FAM83E: variants seen among roughly 807,000 people sequenced by gnomAD.
The protein encoded by FAM83E is scaffolding CK1 anchoring protein E.
FAM83E carries 29 observed loss-of-function variants against 34.3 expected under a neutral mutation model. That is an observed-to-expected ratio of 0.85 (90% CI 0.63 to 1.15). The LOEUF (loss-of-function observed/expected upper bound fraction) is 1.15. FAM83E is among the 50% of genes most tolerant of loss of function. The pLI, the probability that FAM83E is intolerant of heterozygous loss-of-function variation, is 0.00. For missense variants in FAM83E, 697 were observed against 685.0 expected, an observed-to-expected ratio of 1.02 and a Z score of -0.20; for synonymous variants, 312 against 311.6, an observed-to-expected ratio of 1.00 and a Z score of -0.01.
rs1431416895 is a variant in FAM83E at position 48,603,559 on chromosome 19, T to C, written c.1111A>G (p.Ser371Gly). 2 of 1,562,996 alleles carry C rather than the reference T, an allele frequency of 1.3e-6. No individual in the cohort carries two copies. The highest frequency in any genetic ancestry group is 1.7e-6 in the Non-Finnish European group (2 of 1,162,930). The change falls in exon 6 of 7, where the codon AGC becomes GGC. Residue 371 changes from serine to glycine, a missense_variant. Physicochemically the swap from Ser to Gly is moderately conservative, Grantham distance 56. Coordinates refer to ENST00000263266, the MANE Select transcript of FAM83E (RefSeq NM_017708.4). ...CGGCTTAGGTCCCACATGGAGCGGC[T>C]GGGCCGGGCCGGGGGGCCGCTGGGG... ...RTPSGPPARP[S>G]RSMWDLSRLS...
chr19:48,600,984 C>A lies in FAM83E; in HGVS notation c.*125G>T, dbSNP rs1973799902. The A allele has an allele frequency of 6.8e-7, 1 of 1,476,004 alleles. No individual in the cohort carries two copies. The highest frequency in any genetic ancestry group is 2.4e-5 in the Admixed American group (1 of 41,486). The allele number at this position is 1,476,004 out of a possible 1,614,324, so 91.4% of individuals were successfully genotyped here. The stretch of plus-strand genomic sequence containing the variant: ...GCAGAACAAGTGACAAACATCCCTT[C>A]TGCTTGACAGACGCCGAGGCCAGAA... On this transcript the variant is annotated 3_prime_UTR_variant, in exon 7 of 7. Transcript: ENST00000263266.
chr19:48,613,659 T>C lies in FAM83E; in HGVS notation c.-287A>G, dbSNP rs1029909613. 9.3e-6 allele frequency: 12 copies of C among 1,290,620 alleles called. No individual in the cohort carries two copies. The highest frequency in any genetic ancestry group is 2.9e-4 in the Middle Eastern group (1 of 3,398). 79.9% of individuals were successfully genotyped at this position (1,290,620 alleles called of 1,614,324 possible). A position where few individuals can be genotyped will look rare whatever the true frequency, so the allele number is the denominator to read the frequency against. On this transcript the variant is annotated 5_prime_UTR_variant, in exon 3 of 7. Coordinates refer to ENST00000263266, the MANE Select transcript of FAM83E (RefSeq NM_017708.4). ...GGCACCATGCCTGGCTGGCCTTCCG[T>C]GACCTTCCTGCCAGCCGTCTCTGCT...
At position 48,613,444 on chromosome 19, in the gene FAM83E, G is replaced by A. The variant is rs1238219229; in HGVS notation, c.-72C>T. On this transcript the variant is annotated 5_prime_UTR_variant, in exon 3 of 7. Coordinates refer to ENST00000263266, the MANE Select transcript of FAM83E (RefSeq NM_017708.4). ...GGGGGTCTGGCTGTCTCTGGGGACT[G>A]TGATCATCTGGGGGTTCTCCTGATA... 1.3e-5 allele frequency: 19 copies of A among 1,446,248 alleles called. No homozygotes were observed. The East Asian group carries it at 4.5e-4, about 34-fold the overall frequency. The allele number at this position is 1,446,248 out of a possible 1,614,324, so 89.6% of individuals were successfully genotyped here.
chr19:48,610,149 A>G, intron 4 of FAM83E, 149 bp from the exon 5 acceptor site: 2 of 1,107,790 alleles, frequency 1.8e-6, no homozygotes. Flanking sequence ...TTGTAATCCC[A>G]GCACTTTGGG....
In FAM83E at chr19:48,609,982, CGACACG is replaced by C. The variant is rs752961036; in HGVS notation, c.646_651del (p.Arg216_Val217del). 1.9e-6 allele frequency: 3 copies of C among 1,612,482 alleles called. No individual in the cohort carries two copies. The highest frequency in any genetic ancestry group is 2.5e-6 in the Non-Finnish European group (3 of 1,180,002). On this transcript the variant is annotated inframe_deletion, in exon 5 of 7. Transcript: ENST00000263266. ...CGGCTCTGGAAGCTGCAGCCCCGCA[CGACACG>C]GACATCCACGTTCTGTTGGTGTGGG...
intron 5 of FAM83E, chr19:48,606,655 C>T (rs888408798): frequency 5.1e-5 from 17 of 333,132 alleles, no homozygotes; most frequent in Admixed American, 4.2e-5. Flanking sequence ...GCAGGCCACC[C>T]CTTGGATTGT....
chr19:48,611,404 G>A (rs1381376398), intron 3 of FAM83E, among the ~76,000 whole-genome samples: 1 of 151,756 alleles, frequency 6.6e-6, no homozygotes, highest in African/African-American at 2.4e-5. Context: ...TCCTGACCTC[G>A]TGATCCACCT....
At position 48,606,916 on chromosome 19, in the gene FAM83E, G is replaced by C. The variant is rs1035544002; in HGVS notation, c.758+2960C>G. On this transcript the variant is annotated intron_variant, in intron 5 of 6. Transcript: ENST00000263266. ...AGTCCTCAGAGGTCCTTCATTCAGC[G>C]GTTCCGGGAGGTCTGGGAAGCCCAC... 73 of 1,560,050 alleles carry C rather than the reference G, an allele frequency of 4.7e-5. No individual in the cohort carries two copies. In the South Asian group the frequency reaches 8.4e-4, roughly 18 times the overall value.
At chr19:48,614,873 C>G in intron 1 of FAM83E, 34 bp from the exon 2 acceptor site, 1 of 871,260 alleles carries the variant, frequency 1.1e-6, no homozygotes, top group African/African-American at 1.8e-5. Flanking sequence ...CTTGTGTAAA[C>G]ACAGGAGGGC....
At chr19:48,604,415 C>G (rs1248155641) in intron 5 of FAM83E, among the ~76,000 whole-genome samples, 1 of 148,430 alleles carries the variant, frequency 6.7e-6, no homozygotes, top group Admixed American at 6.8e-5. Context: ...ACTGCAACCT[C>G]TGCCTCCTGG....
chr19:48,603,147 C>G (rs1038834226), intron 6 of FAM83E, among the ~76,000 whole-genome samples: 2 of 151,978 alleles, frequency 1.3e-5, no homozygotes, highest in South Asian at 4.1e-4. Context: ...GATTCCTCCC[C>G]CAACCAAACT....
chr19:48,610,740 C>T lies in FAM83E; in HGVS notation c.573G>A (p.Gln191=). The part of the protein sequence containing the change: ...WVPVYLLLDR[Q]QLPAFLELAQ... ...CCAGTTCCAGGAAGGCAGGCAGCTG[C>T]TGGCGGTCCAGGAGCAGGTAGACAG... The change falls in exon 4 of 7, where the codon CAG becomes CAA. Residue 191 remains glutamine (Q), a synonymous_variant. Coordinates refer to ENST00000263266, the MANE Select transcript of FAM83E (RefSeq NM_017708.4). 1 of 1,587,532 alleles carries T rather than the reference C, an allele frequency of 6.3e-7. No homozygotes were observed. Among genetic ancestry groups the T allele is most frequent in the South Asian group, 1.1e-5 (1 of 87,146 alleles).
Position 48,610,837 on chromosome 19 carries a change from A to G in FAM83E, c.476T>C (p.Val159Ala). 6.3e-7 allele frequency: 1 copy of G among 1,594,178 alleles called. No individual in the cohort carries two copies. The highest frequency in any genetic ancestry group is 1.3e-5 in the African/African-American group (1 of 74,718). Reference protein sequence around the residue: ...EIQAAHKLVAVVMDVFTDPDL... With the variant: ...EIQAAHKLVAAVMDVFTDPDL... ...TGGGTCAGTGAAGACGTCCATGACC[A>G]CGGCCACCAGCTGGGCATGGGGAGA... The change falls in exon 4 of 7, where the codon GTG becomes GCG. Residue 159 changes from valine (V) to alanine (A), a missense_variant. Coordinates refer to ENST00000263266, the MANE Select transcript of FAM83E (RefSeq NM_017708.4).
At chr19:48,612,717 A>C (rs1208612402) in intron 3 of FAM83E, among the ~76,000 whole-genome samples, 191 bp downstream of exon 3, 2 of 151,576 alleles carry the variant, frequency 1.3e-5, no homozygotes, top group South Asian at 4.2e-4. Flanking sequence ...CCCCTTTCTG[A>C]GAGTAAGGAT....
At chr19:48,612,839 A>G in intron 3 of FAM83E, 69 bp downstream of exon 3, 1 of 1,459,196 alleles carries the variant, frequency 6.9e-7, no homozygotes, top group Non-Finnish European at 9.1e-7. Flanking sequence ...TCCCAGGAGG[A>G]CAAGGGAGAG....
At position 48,610,782 on chromosome 19, in the gene FAM83E, G is replaced by C; in HGVS notation, c.531C>G (p.Ala177=). The C allele has an allele frequency of 6.3e-7, 1 of 1,590,332 alleles. No homozygotes were observed. ...PDLLLDLVDA[A]TRRWVPVYLL... ...GGTAGACAGGTACCCAGCGGCGCGTGGCAGCATCCACCAAGTCCAAAAGCA... is the reference window on the plus strand; with the variant it reads ...GGTAGACAGGTACCCAGCGGCGCGTCGCAGCATCCACCAAGTCCAAAAGCA... The change falls in exon 4 of 7, where the codon GCC becomes GCG. Residue 177 remains alanine, a synonymous_variant. Coordinates refer to ENST00000263266, the MANE Select transcript of FAM83E (RefSeq NM_017708.4).
chr19:48,614,368 TG>T lies in FAM83E; in HGVS notation c.-997del. The stretch of plus-strand genomic sequence containing the variant: ...CTGGGACCTGTTCCAGGCCGTCCTC[TG>T]ATCTGCGGGGAGCCCTACCCAAGCT... On this transcript the variant is annotated 5_prime_UTR_variant, in exon 3 of 7. Coordinates refer to ENST00000263266, the MANE Select transcript of FAM83E (RefSeq NM_017708.4). 1 of 985,370 alleles carries T rather than the reference TG, an allele frequency of 1.0e-6. No individual in the cohort carries two copies. Among genetic ancestry groups the T allele is most frequent in the Non-Finnish European group, 1.2e-6 (1 of 829,940 alleles). 61.0% of individuals were successfully genotyped at this position (985,370 alleles called of 1,614,324 possible).
chr19:48,611,150 T>C (rs1158126596), intron 3 of FAM83E, among the ~76,000 whole-genome samples: 1 of 151,198 alleles, frequency 6.6e-6, no homozygotes, highest in African/African-American at 2.4e-5. Context: ...TTTGTGTTTT[T>C]GTTGTTGTTG....
chr19:48,606,915 C>T (rs901754601), intron 5 of FAM83E: 15 of 1,554,010 alleles, frequency 9.7e-6, no homozygotes, highest in East Asian at 4.6e-5. Flanking sequence ...CTTCATTCAG[C>T]GGTTCCGGGA....
Sources: gnomAD v4.1 joint callset for allele counts (sites outside exome capture counted in the v4.1 genomes callset) on GRCh38, gnomAD v4.1.1 for gene constraint, MANE v1.5 for transcripts, NCBI Gene and HGNC (gene_info 2026-07-23, HGNC 2026-07-21) for gene names.